The following MAML3 variants were observed in gnomAD, a reference collection of about 807,000 sequenced individuals.
MAML3 encodes mastermind like transcriptional coactivator 3, also known as mastermind-like protein 3.
In MAML3, 27 loss-of-function variants were observed where a neutral mutation model predicts 101.9. The ratio of observed to expected loss-of-function variants is 0.27; its 90% confidence interval spans 0.20 to 0.37. MAML3 has a LOEUF of 0.37. Among genes scored for constraint, MAML3 ranks in the 10% least tolerant of loss-of-function variants. The pLI is 1.00. For synonymous variants in MAML3, 501 were observed against 555.9 expected (o/e 0.90, Z 1.39); for missense variants, 1,316 against 1,444.9 (o/e 0.91, Z 1.45).
chr4:140,110,053 T>C (rs926104065), intron 1 of MAML3, among the ~76,000 whole-genome samples: 10 of 152,244 alleles, frequency 6.6e-5, no homozygotes, highest in Non-Finnish European at 1.2e-4. Context: ...GAGGAGGCTG[T>C]GACTGGTATA....
chr4:140,136,163 C>A (rs1728880020), intron 1 of MAML3, among the ~76,000 whole-genome samples: 1 of 152,130 alleles, frequency 6.6e-6, no homozygotes, highest in Non-Finnish European at 1.5e-5. Context: ...CTGGGAGGGG[C>A]TTCCTTCAAG....
intron 1 of MAML3, among the ~76,000 whole-genome samples, chr4:140,145,074 C>T (rs1401507071): frequency 6.6e-6 from 1 of 152,208 alleles, no homozygotes; most frequent in Non-Finnish European, 1.5e-5. Context: ...TGAATCTACA[C>T]AAATAGACTT....
intron 1 of MAML3, among the ~76,000 whole-genome samples, chr4:139,906,042 C>G (rs1052332959): frequency 6.6e-6 from 1 of 152,194 alleles, no homozygotes; most frequent in African/African-American, 2.4e-5. Context: ...CAGACTTGGT[C>G]TTGAGGCAAG....
chr4:140,098,988 A>G (rs1728210001), intron 1 of MAML3, among the ~76,000 whole-genome samples: 1 of 152,082 alleles, frequency 6.6e-6, no homozygotes, highest in African/African-American at 2.4e-5. Flanking sequence ...CCCTCCCTTG[A>G]TGTCTCGGTC....
chr4:139,870,288 G>A (rs184963590), intron 2 of MAML3, among the ~76,000 whole-genome samples: 290 of 152,086 alleles, frequency 1.9e-3, no homozygotes, highest in Admixed American at 4.2e-3. Context: ...TCAATTCCCC[G>A]TTCCCCTCAC....
chr4:140,039,214 G>C (rs923431971), intron 1 of MAML3, among the ~76,000 whole-genome samples: 5 of 152,132 alleles, frequency 3.3e-5, no homozygotes, highest in Non-Finnish European at 7.3e-5. Context: ...ATCACAGAAA[G>C]AAGAGTAAAT....
intron 2 of MAML3, chr4:139,889,054 G>A (rs918677571): frequency 8.2e-6 from 4 of 487,682 alleles, no homozygotes; most frequent in African/African-American, 7.8e-5. Flanking sequence ...TTGGTGGAGT[G>A]ACCTCTGCAG....
intron 2 of MAML3, among the ~76,000 whole-genome samples, chr4:139,753,204 T>A (rs1370864397): frequency 6.6e-6 from 1 of 152,210 alleles, no homozygotes; most frequent in African/African-American, 2.4e-5. Flanking sequence ...CTTTTAAGTG[T>A]ACAATTCAGT....
intron 1 of MAML3, among the ~76,000 whole-genome samples, chr4:139,934,484 G>T (rs1010652346): frequency 1.3e-5 from 2 of 152,150 alleles, no homozygotes; most frequent in African/African-American, 4.8e-5. Context: ...AGCTGTGCAT[G>T]CGGCGGTGAT....
rs1376520201 is a variant in MAML3 at position 139,965,760 on chromosome 4, T to G, written c.469-74793A>C. Among the ~76,000 whole-genome samples, 3 of 152,210 alleles carry G rather than the reference T, an allele frequency of 2.0e-5. 1 individual carries two copies. Among genetic ancestry groups the G allele is most frequent in the Admixed American group, 2.0e-4 (3 of 15,278 alleles). ...CTGCTTATTACCAGTGAGGGTCTTT[T>G]TTATTTTATTTTTAGAGAAAAGAGT... On this transcript the variant is annotated intron_variant, in intron 1 of 4. Coordinates refer to ENST00000509479, the MANE Select transcript of MAML3 (RefSeq NM_018717.5).
intron 1 of MAML3, among the ~76,000 whole-genome samples, chr4:140,057,751 A>G (rs928781268): frequency 3.3e-5 from 5 of 152,172 alleles, no homozygotes. Flanking sequence ...AAGGACCCCA[A>G]ATACCATGTC....
chr4:140,011,942 T>C (rs1726570992), intron 1 of MAML3, among the ~76,000 whole-genome samples: 1 of 152,148 alleles, frequency 6.6e-6, no homozygotes, highest in Non-Finnish European at 1.5e-5. Flanking sequence ...CCTGCCTAAA[T>C]TATTAAAAGT....
At chr4:139,755,497 A>G (rs368567216) in intron 2 of MAML3, among the ~76,000 whole-genome samples, 8 of 152,180 alleles carry the variant, frequency 5.3e-5, no homozygotes, top group Non-Finnish European at 1.2e-4. Context: ...AGTCCCAGTT[A>G]CATGGGAGGC....
intron 2 of MAML3, among the ~76,000 whole-genome samples, chr4:139,775,471 T>G (rs1335987891): frequency 1.3e-5 from 2 of 152,014 alleles, no homozygotes; most frequent in Non-Finnish European, 2.9e-5. Flanking sequence ...TTGAGGCTAG[T>G]AGGGAAGATT....
intron 1 of MAML3, among the ~76,000 whole-genome samples, chr4:140,058,608 T>G (rs1300958606): frequency 7.3e-6 from 1 of 136,876 alleles, no homozygotes; most frequent in Non-Finnish European, 1.7e-5. Flanking sequence ...TATATTTTCT[T>G]AGTATTTGTA....
intron 2 of MAML3, among the ~76,000 whole-genome samples, chr4:139,733,234 T>G (rs1560774575): frequency 6.6e-6 from 1 of 152,220 alleles, no homozygotes. Context: ...TCAGTATATT[T>G]GATACTTTCC....
At chr4:139,951,827 G>T (rs1471946861) in intron 1 of MAML3, among the ~76,000 whole-genome samples, 2 of 151,926 alleles carry the variant, frequency 1.3e-5, no homozygotes, top group African/African-American at 2.4e-5. Context: ...ATTAAGGGGG[G>T]CCAAGGGGTG....
chr4:139,871,073 G>A (rs968653834), intron 2 of MAML3, among the ~76,000 whole-genome samples: 3 of 152,002 alleles, frequency 2.0e-5, no homozygotes, highest in African/African-American at 7.3e-5. Flanking sequence ...TATTTCTTGT[G>A]TGCTTATCAT....
intron 1 of MAML3, among the ~76,000 whole-genome samples, chr4:140,091,554 A>C (rs963221651): frequency 1.3e-5 from 2 of 150,222 alleles, no homozygotes; most frequent in African/African-American, 4.9e-5. Flanking sequence ...AAAACAAAAA[A>C]AAAAAACAGG....
Sources: gnomAD v4.1 joint callset for allele counts (sites outside exome capture counted in the v4.1 genomes callset) on GRCh38, gnomAD v4.1.1 for gene constraint, MANE v1.5 for transcripts, NCBI Gene and HGNC (gene_info 2026-07-23, HGNC 2026-07-21) for gene names.